The following GALNTL6 variants were observed in gnomAD, a reference collection of about 807,000 sequenced individuals.
GALNTL6 encodes the protein polypeptide N-acetylgalactosaminyltransferase-like 6.
Under a neutral mutation model 73.7 loss-of-function variants are expected in GALNTL6, and 46 were observed. The observed-to-expected ratio is 0.62, with a 90% CI of 0.49 to 0.80. GALNTL6 has a LOEUF of 0.80. Ranked by LOEUF, GALNTL6 falls within the 30% of genes least tolerant of loss-of-function variation. The pLI, the probability that GALNTL6 is intolerant of heterozygous loss-of-function variation, is 0.00. For synonymous variants in GALNTL6, 259 were observed against 263.7 expected (o/e 0.98, Z 0.17); for missense variants, 604 against 755.0 (o/e 0.80, Z 2.34).
At chr4:172,120,964 G>A (rs767476668) in intron 2 of GALNTL6, among the ~76,000 whole-genome samples, 1 of 151,930 alleles carries the variant, frequency 6.6e-6, no homozygotes, top group Non-Finnish European at 1.5e-5. Flanking sequence ...AGTCCTCTAA[G>A]CCCTTCAGCC....
intron 2 of GALNTL6, among the ~76,000 whole-genome samples, chr4:172,083,152 C>T (rs560746062): frequency 7.9e-5 from 12 of 152,216 alleles, no homozygotes; most frequent in African/African-American, 2.4e-4. Context: ...AAAATGTTTT[C>T]AAAATAAGTT....
At chr4:172,343,909 C>T (rs982338061) in intron 4 of GALNTL6, among the ~76,000 whole-genome samples, 2 of 151,874 alleles carry the variant, frequency 1.3e-5, no homozygotes, top group African/African-American at 4.8e-5. Context: ...TAGTTTTTAT[C>T]CATTTATATA....
At chr4:172,028,826 A>T (rs895384102) in intron 2 of GALNTL6, among the ~76,000 whole-genome samples, 2 of 152,084 alleles carry the variant, frequency 1.3e-5, no homozygotes, top group African/African-American at 4.8e-5. Flanking sequence ...AAAGCTCATT[A>T]GTACTTAGAA....
chr4:172,752,411 C>T (rs1737478825), intron 5 of GALNTL6, among the ~76,000 whole-genome samples: 1 of 151,994 alleles, frequency 6.6e-6, no homozygotes, highest in Admixed American at 6.6e-5. Context: ...AATATACATC[C>T]AATTTTGCAC....
chr4:172,826,352 C>A lies in GALNTL6; in HGVS notation c.923+12629C>A, dbSNP rs193040882. ...GGACAGGCAGGACTGTAGCCCACAGCCCACACCTTCCCTTCCTAATTGTTC... is the reference window on the plus strand; with the variant it reads ...GGACAGGCAGGACTGTAGCCCACAGACCACACCTTCCCTTCCTAATTGTTC... On this transcript the variant is annotated intron_variant, in intron 7 of 12. Coordinates refer to ENST00000506823, the MANE Select transcript of GALNTL6 (RefSeq NM_001034845.3). Among the ~76,000 whole-genome samples, 43 of 152,346 alleles carry A rather than the reference C, an allele frequency of 2.8e-4. No individual in the cohort carries two copies. The East Asian group carries it at 7.1e-3, about 25-fold the overall frequency.
chr4:172,929,920 CGTCT>C (rs1748237806), intron 8 of GALNTL6, among the ~76,000 whole-genome samples: 1 of 152,050 alleles, frequency 6.6e-6, no homozygotes, highest in South Asian at 2.1e-4. Flanking sequence ...ATTAAGTGTG[CGTCT>C]GTCTGAGAAG....
intron 2 of GALNTL6, among the ~76,000 whole-genome samples, chr4:171,904,108 T>C (rs1266912316): frequency 2.6e-5 from 4 of 152,102 alleles, no homozygotes; most frequent in Non-Finnish European, 5.9e-5. Context: ...CAAAGGAACG[T>C]AGTTCCTCAC....
chr4:172,656,490 T>C (rs937787191), intron 5 of GALNTL6, among the ~76,000 whole-genome samples: 3 of 152,152 alleles, frequency 2.0e-5, no homozygotes, highest in Non-Finnish European at 2.9e-5. Context: ...GTGAGACAAA[T>C]GAGCTCTTTA....
intron 2 of GALNTL6, among the ~76,000 whole-genome samples, chr4:171,989,373 C>T (rs1740252374): frequency 1.3e-5 from 2 of 152,146 alleles, no homozygotes; most frequent in Admixed American, 1.3e-4. Flanking sequence ...CTGGGAGTGG[C>T]TGCCAGGTGA....
At chr4:172,042,917 A>C (rs1742126621) in intron 2 of GALNTL6, among the ~76,000 whole-genome samples, 1 of 150,598 alleles carries the variant, frequency 6.6e-6, no homozygotes, top group African/African-American at 2.4e-5. Flanking sequence ...GCATAAAACT[A>C]TTCAATGAAT....
At chr4:173,014,389 T>G (rs1319707878) in intron 11 of GALNTL6, among the ~76,000 whole-genome samples, 2 of 152,308 alleles carry the variant, frequency 1.3e-5, no homozygotes, top group East Asian at 3.9e-4. Context: ...TGGTCTAGTT[T>G]GGCTGTTCCC....
intron 2 of GALNTL6, among the ~76,000 whole-genome samples, chr4:171,921,085 A>G (rs533344819): frequency 6.6e-6 from 1 of 152,206 alleles, no homozygotes; most frequent in South Asian, 2.1e-4. Flanking sequence ...ATACCAATGT[A>G]TGAAAACTGA....
At chr4:172,101,636 T>C (rs1175869012) in intron 2 of GALNTL6, among the ~76,000 whole-genome samples, 2 of 152,204 alleles carry the variant, frequency 1.3e-5, no homozygotes, top group Non-Finnish European at 2.9e-5. Context: ...ATTATTTTGG[T>C]ATTATCTAGA....
intron 2 of GALNTL6, among the ~76,000 whole-genome samples, chr4:171,975,217 T>C (rs1739685428): frequency 1.3e-5 from 2 of 152,136 alleles, no homozygotes; most frequent in Admixed American, 1.3e-4. Flanking sequence ...ACAAGAGTAA[T>C]AAGTAATTTT....
chr4:172,657,558 G>T (rs936587844), intron 5 of GALNTL6, among the ~76,000 whole-genome samples: 5 of 152,148 alleles, frequency 3.3e-5, no homozygotes, highest in African/African-American at 1.2e-4. Context: ...GAATTAGATA[G>T]AATTTTTTAA....
In GALNTL6 at chr4:171,974,440, G is replaced by A. The variant is rs79669634; in HGVS notation, c.138+159722G>A. ...CTTCATTACCATATTACCACAACTGGTCCCTTGTCACATTTATCCTGATTC... is the reference window on the plus strand; with the variant it reads ...CTTCATTACCATATTACCACAACTGATCCCTTGTCACATTTATCCTGATTC... On this transcript the variant is annotated intron_variant, in intron 2 of 12. Transcript: ENST00000506823. 7.8e-3 allele frequency among the ~76,000 whole-genome samples: 1,188 copies of A among 152,124 alleles called. 18 individuals are homozygous for A. Among genetic ancestry groups the A allele is most frequent in the East Asian group, 0.055 (282 of 5,170 alleles).
At chr4:172,040,553 T>C (rs1486232402) in intron 2 of GALNTL6, among the ~76,000 whole-genome samples, 2 of 152,122 alleles carry the variant, frequency 1.3e-5, no homozygotes, top group African/African-American at 4.8e-5. Context: ...ATTTCTACCA[T>C]GCCATTAATG....
At position 172,443,607 on chromosome 4, in the gene GALNTL6, T is replaced by G. The variant is rs116584425; in HGVS notation, c.553+94918T>G. 7.9e-5 allele frequency among the ~76,000 whole-genome samples: 12 copies of G among 152,234 alleles called. No individual in the cohort carries two copies. The East Asian group carries it at 2.1e-3, about 27-fold the overall frequency. On this transcript the variant is annotated intron_variant, in intron 5 of 12. Transcript: ENST00000506823. ...ATAGCCCCTTTTTATATGTGAGAGATATGACTGAGAACACAGGTGATATAT... is the reference window on the plus strand; with the variant it reads ...ATAGCCCCTTTTTATATGTGAGAGAGATGACTGAGAACACAGGTGATATAT...
intron 2 of GALNTL6, among the ~76,000 whole-genome samples, chr4:171,964,541 G>A (rs1329414879): frequency 6.6e-6 from 1 of 152,010 alleles, no homozygotes; most frequent in African/African-American, 2.4e-5. Context: ...GCTCCAGCCT[G>A]GTTTTAAAAG....
Sources: gnomAD v4.1 joint callset for allele counts (sites outside exome capture counted in the v4.1 genomes callset) on GRCh38, gnomAD v4.1.1 for gene constraint, MANE v1.5 for transcripts, NCBI Gene and HGNC (gene_info 2026-07-23, HGNC 2026-07-21) for gene names.